Variants in NPC1 observed in about 807,000 individuals in gnomAD.
NPC1 encodes the protein NPC intracellular cholesterol transporter 1, also known as Niemann-Pick C1 protein.
Under a neutral mutation model 140.4 loss-of-function variants are expected in NPC1, and 85 were observed. The ratio of observed to expected loss-of-function variants is 0.61; its 90% CI spans 0.51 to 0.72. NPC1 has a LOEUF of 0.72. NPC1 is among the 30% of genes least tolerant of loss of function. The pLI, the probability that NPC1 is intolerant of heterozygous loss-of-function variation, is 0.00. For missense variants in NPC1, 1,504 were observed against 1,623.8 expected, an observed-to-expected ratio of 0.93 and a Z score of 1.27; for synonymous variants, 656 against 624.8, an observed-to-expected ratio of 1.05 and a Z score of -0.74.
downstream of NPC1, among the ~76,000 whole-genome samples, chr18:23,526,190 G>A (rs1287200929): frequency 6.6e-6 from 1 of 152,230 alleles, no homozygotes; most frequent in African/African-American, 2.4e-5. Context: ...GAGTTATGAT[G>A]TTCCATTGAG....
Position 23,556,622 on chromosome 18 carries a change from A to T in NPC1, c.956-9T>A. On this transcript the variant is annotated splice_polypyrimidine_tract_variant and intron_variant, in intron 7 of 24. Coordinates refer to ENST00000269228, the MANE Select transcript of NPC1 (RefSeq NM_000271.5). The stretch of plus-strand genomic sequence containing the variant: ...ACAGCAGGACGCCTCTCCTGGAAGA[A>T]CGGGAGAGGAAGGGAAGGTGGAGGT... 2 of 1,613,890 alleles carry T rather than the reference A, an allele frequency of 1.2e-6. No homozygotes were observed. Among genetic ancestry groups the T allele is most frequent in the South Asian group, 1.1e-5 (1 of 91,048 alleles).
At chr18:23,545,234 A>G (rs2145406642) in intron 11 of NPC1, 85 bp from the exon 12 acceptor site, 1 of 1,020,612 alleles carries the variant, frequency 9.8e-7, no homozygotes, top group African/African-American at 1.6e-5. Flanking sequence ...CACGATACAA[A>G]GGCCACGTTT....
At chr18:23,550,208 C>T (rs764555260) in intron 10 of NPC1, among the ~76,000 whole-genome samples, 1 of 151,778 alleles carries the variant, frequency 6.6e-6, no homozygotes, top group Non-Finnish European at 1.5e-5. Flanking sequence ...GACGGGGTTT[C>T]TCCATGTTGC....
chr18:23,554,605 CAAA>C (rs11340795), intron 9 of NPC1, among the ~76,000 whole-genome samples, 150 bp downstream of exon 9: 33 of 134,846 alleles, frequency 2.4e-4, no homozygotes, highest in Admixed American at 3.7e-4. Flanking sequence ...GACCCTGTCT[CAAA>C]AAAAAAAAAA....
At chr18:23,543,433 G>C in intron 14 of NPC1, 22 bp downstream of exon 14, 1 of 1,356,088 alleles carries the variant, frequency 7.4e-7, no homozygotes, top group Non-Finnish European at 1.1e-6. Flanking sequence ...TACAGGACTG[G>C]TAGGATTGAA....
intron 2 of NPC1, 126 bp downstream of exon 2, chr18:23,573,326 C>G: frequency 7.5e-7 from 1 of 1,337,250 alleles, no homozygotes. Context: ...GTTTGAGAGT[C>G]CGGGATAAGA....
chr18:23,533,856 C>T (rs2058581674), intron 23 of NPC1: 1 of 375,324 alleles, frequency 2.7e-6, no homozygotes, highest in Non-Finnish European at 5.1e-6. Flanking sequence ...GAACTGAACC[C>T]AGGTAGCATC....
Position 23,536,721 on chromosome 18 carries a change from G to C in NPC1, c.3197C>G (p.Thr1066Ser). The change falls in exon 21 of 25, where the codon ACC becomes AGC. Residue 1066 changes from threonine (T) to serine (S), a missense_variant. Coordinates refer to ENST00000269228, the MANE Select transcript of NPC1 (RefSeq NM_000271.5). ...ACTGCCGTTAATGCCCATGGTTTCG[G>C]TGACATTACTGGCTATAAGTCGGGC... ...KKARLIASNV[T>S]ETMGINGSAY... 1 of 1,614,182 alleles carries C rather than the reference G, an allele frequency of 6.2e-7. No homozygotes were observed. Among genetic ancestry groups the C allele is most frequent in the East Asian group, 2.2e-5 (1 of 44,882 alleles).
intron 14 of NPC1, among the ~76,000 whole-genome samples, chr18:23,541,822 C>T (rs1488518111): frequency 1.3e-5 from 2 of 152,170 alleles, no homozygotes; most frequent in Non-Finnish European, 2.9e-5. Flanking sequence ...CACTACTAGC[C>T]TCCCAGTTTA....
At chr18:23,509,350 G>C in intron 3 of NPC1, 1 of 553,724 alleles carries the variant, frequency 1.8e-6, no homozygotes, top group East Asian at 3.9e-5. Flanking sequence ...TTTGAATTCA[G>C]TACTGAATAT....
chr18:23,557,535 T>C (rs1472445715), intron 6 of NPC1, among the ~76,000 whole-genome samples: 1 of 152,174 alleles, frequency 6.6e-6, no homozygotes, highest in Non-Finnish European at 1.5e-5. Flanking sequence ...GTGGGCGGGA[T>C]CACGAGGTCA....
At chr18:23,571,931 A>G (rs2059209743) in intron 3 of NPC1, 143 bp downstream of exon 3, 4 of 292,700 alleles carry the variant, frequency 1.4e-5, no homozygotes, top group Non-Finnish European at 2.5e-5. Flanking sequence ...ACATGTATAC[A>G]TATATGTATA....
rs1417373760 is a variant in NPC1, at chr18:23,573,345, T to TG, written c.180+106dup. On this transcript the variant is annotated intron_variant, in intron 2 of 24. Transcript: ENST00000269228. ...GAGAGTCCGGGATAAGACTTAAGCCTGTTAGTCTCATCTCCACCTCCACCC... is the reference window on the plus strand; with the variant it reads ...GAGAGTCCGGGATAAGACTTAAGCCTGGTTAGTCTCATCTCCACCTCCACCC... 5 of 1,468,158 alleles carry TG rather than the reference T, an allele frequency of 3.4e-6. No individual in the cohort carries two copies. In the African/African-American group the frequency reaches 6.9e-5, roughly 20 times the overall value. 90.9% of individuals were successfully genotyped at this position (1,468,158 alleles called of 1,614,324 possible).
intron 20 of NPC1, among the ~76,000 whole-genome samples, chr18:23,537,214 C>T (rs2058645150): frequency 1.3e-5 from 2 of 152,134 alleles, no homozygotes; most frequent in Non-Finnish European, 2.9e-5. Flanking sequence ...GGATTACAGG[C>T]ACCTGCCACC....
At chr18:23,563,988 T>G (rs1020798156) in intron 4 of NPC1, among the ~76,000 whole-genome samples, 8 of 18,398 alleles carry the variant, frequency 4.3e-4, no homozygotes, top group Non-Finnish European at 7.8e-4. Flanking sequence ...GTAGTAAGAG[T>G]TTTTTTTTTT....
At chr18:23,547,600 G>A (rs996778074) in intron 11 of NPC1, among the ~76,000 whole-genome samples, 3 of 152,012 alleles carry the variant, frequency 2.0e-5, no homozygotes, top group African/African-American at 7.3e-5. Flanking sequence ...AAATTAGCTG[G>A]GTGTGATGGC....
chr18:23,516,184 T>G (rs2057999747), intron 3 of NPC1: 1 of 1,309,420 alleles, frequency 7.6e-7, no homozygotes, highest in Non-Finnish European at 1.1e-6. Context: ...GCAGACAGGC[T>G]GTGAGAGGAC....
rs111256741 is a variant in NPC1 at position 23,561,444 on chromosome 18, C to T, written c.547G>A (p.Ala183Thr). 9.5e-5 allele frequency: 153 copies of T among 1,614,122 alleles called. No homozygotes were observed. The African/African-American group carries it at 1.5e-3, about 16-fold the overall frequency. The change falls in exon 5 of 25, where the codon GCC becomes ACC. Residue 183 changes from alanine to threonine, a missense_variant. Transcript: ENST00000269228. ...TCAATCCAGTTGGTGGCATTACAGG[C>T]GTCAGCGTCCTTCCCACACAGGAGT... ...LGLLCGKDAD[A>T]CNATNWIEYM...
At chr18:23,553,668 G>A (rs995441639) in intron 9 of NPC1, among the ~76,000 whole-genome samples, 2 of 152,164 alleles carry the variant, frequency 1.3e-5, no homozygotes, top group East Asian at 3.8e-4. Flanking sequence ...ATGTCCCTAG[G>A]CCAGGTCCCT....
Sources: gnomAD v4.1 joint callset for allele counts (sites outside exome capture counted in the v4.1 genomes callset) on GRCh38, gnomAD v4.1.1 for gene constraint, MANE v1.5 for transcripts, NCBI Gene and HGNC (gene_info 2026-07-23, HGNC 2026-07-21) for gene names.